The following PTPRG variants were observed in gnomAD, a reference collection of about 807,000 sequenced individuals.
The protein encoded by PTPRG is receptor-type tyrosine-protein phosphatase gamma.
Under a neutral mutation model 165.3 loss-of-function variants are expected in PTPRG, and 102 were observed. The ratio of observed to expected loss-of-function variants is 0.62; its 90% CI spans 0.53 to 0.73. The LOEUF is 0.73. PTPRG is among the 30% of genes least tolerant of loss of function. The pLI, the probability that PTPRG is intolerant of heterozygous loss-of-function variation, is 0.00. For synonymous variants in PTPRG, 675 were observed against 669.5 expected, an observed-to-expected ratio of 1.01 and a Z score of -0.13; for missense variants, 1,866 against 1,861.4, an observed-to-expected ratio of 1.00 and a Z score of -0.05.
At chr3:61,785,438 A>G (rs1034729773) in intron 2 of PTPRG, among the ~76,000 whole-genome samples, 13 of 152,220 alleles carry the variant, frequency 8.5e-5, no homozygotes, top group East Asian at 3.8e-4. Flanking sequence ...GCAAAAATCA[A>G]TGTAATTATC....
At chr3:62,200,720 C>T (rs370541628) in intron 10 of PTPRG, among the ~76,000 whole-genome samples, 3 of 152,106 alleles carry the variant, frequency 2.0e-5, no homozygotes, top group Admixed American at 6.5e-5. Flanking sequence ...ATGGTTAATA[C>T]GAAATCATTA....
At chr3:61,916,273 G>A (rs188257496) in intron 2 of PTPRG, among the ~76,000 whole-genome samples, 4 of 152,272 alleles carry the variant, frequency 2.6e-5, no homozygotes, top group Admixed American at 6.5e-5. Flanking sequence ...GTGTGTGTGT[G>A]TATAGAGCTA....
chr3:61,806,625 T>C (rs2035426448), intron 2 of PTPRG, among the ~76,000 whole-genome samples: 1 of 152,198 alleles, frequency 6.6e-6, no homozygotes, highest in Non-Finnish European at 1.5e-5. Context: ...AAATATGTGA[T>C]AGGGTAGTTA....
At chr3:61,922,602 T>C (rs888184158) in intron 2 of PTPRG, among the ~76,000 whole-genome samples, 1 of 152,224 alleles carries the variant, frequency 6.6e-6, no homozygotes, top group African/African-American at 2.4e-5. Flanking sequence ...ATGCTCTCCC[T>C]CACCCTCAGC....
At chr3:61,706,980 T>G (rs527273980) in intron 1 of PTPRG, among the ~76,000 whole-genome samples, 1 of 152,338 alleles carries the variant, frequency 6.6e-6, no homozygotes, top group South Asian at 2.1e-4. Context: ...ATTTTCATGT[T>G]CCATGAATGG....
intron 14 of PTPRG, among the ~76,000 whole-genome samples, chr3:62,239,694 G>A (rs747266034): frequency 7.2e-5 from 11 of 152,112 alleles, no homozygotes; most frequent in Non-Finnish European, 1.0e-4. Flanking sequence ...ATTCCCCTGC[G>A]CTCAAAATTA....
At chr3:61,833,845 G>T (rs1251922798) in intron 2 of PTPRG, among the ~76,000 whole-genome samples, 2 of 152,142 alleles carry the variant, frequency 1.3e-5, no homozygotes, top group Non-Finnish European at 2.9e-5. Context: ...GATTACAGGC[G>T]TGAGCCACCG....
At chr3:62,246,733 T>C (rs1442521081) in intron 15 of PTPRG, among the ~76,000 whole-genome samples, 1 of 152,136 alleles carries the variant, frequency 6.6e-6, no homozygotes, top group Non-Finnish European at 1.5e-5. Context: ...TTTCTAAAAA[T>C]AATACGAGAT....
intron 4 of PTPRG, among the ~76,000 whole-genome samples, chr3:62,061,803 T>C (rs550533853): frequency 6.6e-6 from 1 of 151,616 alleles, no homozygotes; most frequent in African/African-American, 2.4e-5. Flanking sequence ...TTAATTTTTG[T>C]ATTTTTAGTA....
chr3:61,855,023 T>C (rs915510630), intron 2 of PTPRG, among the ~76,000 whole-genome samples: 1 of 152,182 alleles, frequency 6.6e-6, no homozygotes, highest in African/African-American at 2.4e-5. Context: ...GAGATGGCTG[T>C]GATTTAATTT....
chr3:62,067,468 C>G (rs978394656), intron 4 of PTPRG, among the ~76,000 whole-genome samples: 1 of 152,190 alleles, frequency 6.6e-6, no homozygotes, highest in African/African-American at 2.4e-5. Flanking sequence ...GCGATGGTTT[C>G]AGGATGAGTC....
At chr3:61,979,334 G>A (rs567553095) in intron 2 of PTPRG, among the ~76,000 whole-genome samples, 1 of 152,226 alleles carries the variant, frequency 6.6e-6, no homozygotes, top group East Asian at 1.9e-4. Flanking sequence ...AATATTATTT[G>A]TTTTGATAAC....
intron 2 of PTPRG, among the ~76,000 whole-genome samples, chr3:61,788,141 T>C (rs1342526359): frequency 6.6e-6 from 1 of 152,156 alleles, no homozygotes; most frequent in Non-Finnish European, 1.5e-5. Context: ...TTTACTCCCA[T>C]GGTTGAGACT....
In PTPRG at chr3:61,575,300, A is replaced by G. The variant is rs140607293; in HGVS notation, c.85+12928A>G. On this transcript the variant is annotated intron_variant, in intron 1 of 29. Coordinates refer to ENST00000474889, the MANE Select transcript of PTPRG (RefSeq NM_002841.4). ...ACCACATAAACAAAGGATTTTGTGAAAATAAATCTTATATGCCTTGGAACC... is the reference window on the plus strand; with the variant it reads ...ACCACATAAACAAAGGATTTTGTGAGAATAAATCTTATATGCCTTGGAACC... Among the ~76,000 whole-genome samples the G allele has an allele frequency of 4.1e-3, 617 of 152,244 alleles. 7 individuals carry two copies. Among genetic ancestry groups the G allele is most frequent in the South Asian group, 0.028 (135 of 4,820 alleles).
chr3:62,156,988 C>T (rs1242715983), intron 6 of PTPRG, 79 bp from the exon 7 acceptor site: 16 of 1,303,628 alleles, frequency 1.2e-5, no homozygotes, highest in East Asian at 2.3e-5. Flanking sequence ...ACCAGCATGC[C>T]GAGGGTGTTG....
intron 16 of PTPRG, among the ~76,000 whole-genome samples, chr3:62,257,532 C>G (rs185383245): frequency 6.6e-6 from 1 of 152,056 alleles, no homozygotes; most frequent in African/African-American, 2.4e-5. Context: ...TTACTGATGA[C>G]GAAACTACCC....
chr3:61,762,786 G>A (rs571322216), intron 2 of PTPRG, among the ~76,000 whole-genome samples: 65 of 152,152 alleles, frequency 4.3e-4, no homozygotes, highest in Middle Eastern at 3.4e-3. Flanking sequence ...GCAGTTTATC[G>A]CCTTACATAG....
intron 29 of PTPRG, chr3:62,292,762 A>AC (rs1702945757): frequency 1.7e-6 from 1 of 584,282 alleles, no homozygotes; most frequent in East Asian, 2.9e-5. Context: ...ACTACACAGC[A>AC]CAAGACAGCC....
At chr3:61,978,098 C>T (rs1178318505) in intron 2 of PTPRG, among the ~76,000 whole-genome samples, 1 of 152,246 alleles carries the variant, frequency 6.6e-6, no homozygotes, top group East Asian at 1.9e-4. Context: ...GTGATCTGCC[C>T]GCCTCAGCCT....
Sources: allele counts gnomAD v4.1 joint callset (sites outside exome capture counted in the v4.1 genomes callset), GRCh38; gene constraint gnomAD v4.1.1; transcripts MANE v1.5; gene names NCBI Gene and HGNC (gene_info 2026-07-23, HGNC 2026-07-21).